ANKRD6: variants seen among roughly 807,000 people sequenced by gnomAD.
ANKRD6 encodes the protein ankyrin repeat domain-containing protein 6.
A neutral mutation model predicts 82.3 loss-of-function variants in ANKRD6; 56 were observed. The observed-to-expected ratio is 0.68, with a 90% confidence interval of 0.55 to 0.85. ANKRD6 has a LOEUF of 0.85. Ranked by LOEUF, ANKRD6 falls within the 40% of genes least tolerant of loss-of-function variation. The probability of loss-of-function intolerance (pLI) is 0.00; values close to 1 mark genes in which losing one functional copy is unlikely to be tolerated. For synonymous variants in ANKRD6, 347 were observed against 352.1 expected, an observed-to-expected ratio of 0.99 and a Z score of 0.16; for missense variants, 852 against 907.6, an observed-to-expected ratio of 0.94 and a Z score of 0.79.
intron 1 of ANKRD6, among the ~76,000 whole-genome samples, chr6:89,551,131 G>T (rs977850417): frequency 2.0e-5 from 3 of 152,170 alleles, no homozygotes; most frequent in African/African-American, 7.2e-5. Context: ...TATCTGAAGA[G>T]CAGAGCCTGG....
At chr6:89,492,882 G>A (rs181197464) in intron 1 of ANKRD6, among the ~76,000 whole-genome samples, 1 of 152,260 alleles carries the variant, frequency 6.6e-6, no homozygotes, top group East Asian at 1.9e-4. Context: ...GAAATAGCCG[G>A]TGAAAGTCTT....
intron 1 of ANKRD6, among the ~76,000 whole-genome samples, chr6:89,475,594 G>T (rs1775949729): frequency 6.6e-6 from 1 of 152,180 alleles, no homozygotes; most frequent in Non-Finnish European, 1.5e-5. Flanking sequence ...TTTAAATTTA[G>T]TAGTTATTCT....
Position 89,452,852 on chromosome 6 carries a change from A to C in ANKRD6, c.-144+19477A>C, listed in dbSNP as rs564710022. ...GGCGGCCAGGAAGGCCTGGGTTCTG[A>C]TTTCATGTCAGACAGCAGCCTTTGT... On this transcript the variant is annotated intron_variant, in intron 1 of 15. Coordinates refer to ENST00000339746, the MANE Select transcript of ANKRD6 (RefSeq NM_001242809.2). Among the ~76,000 whole-genome samples, 167 of 152,256 alleles carry C rather than the reference A, an allele frequency of 1.1e-3. 1 individual carries two copies. Among genetic ancestry groups the C allele is most frequent in the South Asian group, 3.5e-3 (17 of 4,824 alleles).
intron 3 of ANKRD6, among the ~76,000 whole-genome samples, chr6:89,600,548 A>C (rs886970628): frequency 2.0e-5 from 3 of 152,166 alleles, no homozygotes; most frequent in African/African-American, 4.8e-5. Context: ...AAAGCCTGTA[A>C]GAAGTGGAAA....
chr6:89,454,734 C>T (rs770424253), intron 1 of ANKRD6, among the ~76,000 whole-genome samples: 9 of 152,154 alleles, frequency 5.9e-5, no homozygotes, highest in Admixed American at 1.3e-4. Flanking sequence ...CTGCATGATT[C>T]TTTTATAGCA....
At chr6:89,597,597 C>T (rs1220984925) in intron 3 of ANKRD6, among the ~76,000 whole-genome samples, 1 of 152,130 alleles carries the variant, frequency 6.6e-6, no homozygotes, top group Non-Finnish European at 1.5e-5. Context: ...GCTGTTTATA[C>T]CAGGCAAGGT....
intron 15 of ANKRD6, among the ~76,000 whole-genome samples, chr6:89,629,668 A>C (rs549987738): frequency 6.6e-6 from 1 of 152,206 alleles, no homozygotes; most frequent in African/African-American, 2.4e-5. Flanking sequence ...ATTAAACAGC[A>C]GTTCTTACAT....
intron 2 of ANKRD6, among the ~76,000 whole-genome samples, chr6:89,570,347 C>T (rs1208864948): frequency 6.6e-6 from 1 of 152,194 alleles, no homozygotes; most frequent in Non-Finnish European, 1.5e-5. Flanking sequence ...AGGCATGAGC[C>T]ACCATGCCTG....
chr6:89,447,460 A>G (rs1772231391), intron 1 of ANKRD6, among the ~76,000 whole-genome samples: 1 of 152,200 alleles, frequency 6.6e-6, no homozygotes, highest in African/African-American at 2.4e-5. Context: ...GAAGCTGCAG[A>G]AAAAAAGTCT....
chr6:89,464,787 G>A (rs1217099981), intron 1 of ANKRD6, among the ~76,000 whole-genome samples: 1 of 152,174 alleles, frequency 6.6e-6, no homozygotes, highest in Non-Finnish European at 1.5e-5. Flanking sequence ...ACCTACCTTG[G>A]CCTTTGAAGC....
intron 1 of ANKRD6, chr6:89,565,380 G>A (rs1474786864): frequency 6.6e-6 from 1 of 152,204 alleles, no homozygotes; most frequent in African/African-American, 2.4e-5. Flanking sequence ...AGCAACAGAT[G>A]GAGAATGATG....
chr6:89,446,863 A>G (rs1772148193), intron 1 of ANKRD6, among the ~76,000 whole-genome samples: 1 of 152,190 alleles, frequency 6.6e-6, no homozygotes, highest in Non-Finnish European at 1.5e-5. Flanking sequence ...GGATAGTTTT[A>G]TAAGGGGCTT....
At position 89,566,981 on chromosome 6, in the gene ANKRD6, G is replaced by A. The variant is rs766143444; in HGVS notation, c.5G>A (p.Ser2Asn). The A allele has an allele frequency of 4.4e-6, 7 of 1,588,998 alleles. 1 individual carries two copies. The East Asian group carries it at 9.1e-5, about 21-fold the overall frequency. ...AAAACCTTTCTTTCCTAATTCATGA[G>A]CCAGCAAGATGCGGTCGCTGCACTT... is the stretch of plus-strand genomic sequence containing the variant. M[S>N]QQDAVAALSE... Residue 2 changes from serine to asparagine, a missense_variant, in exon 2 of 16, where the codon AGC (serine) becomes AAC (asparagine). By Grantham distance (46) the Ser-to-Asn change is conservative. Transcript: ENST00000339746.
rs369187241 is a variant in ANKRD6 at position 89,463,797 on chromosome 6, C to T, written c.-144+30422C>T. On this transcript the variant is annotated intron_variant, in intron 1 of 15. Transcript: ENST00000339746. ...AACTCCTGACCTCAGGTGATCTGCCCGCCTTGGCCTCCCAAAGTGCTGGGA... is the reference window on the plus strand; with the variant it reads ...AACTCCTGACCTCAGGTGATCTGCCTGCCTTGGCCTCCCAAAGTGCTGGGA... 4.6e-5 allele frequency among the ~76,000 whole-genome samples: 7 copies of T among 152,178 alleles called. 1 individual carries two copies. Among genetic ancestry groups the T allele is most frequent in the African/African-American group, 1.4e-4 (6 of 41,494 alleles).
At chr6:89,445,058 C>T (rs931659285) in intron 1 of ANKRD6, among the ~76,000 whole-genome samples, 6 of 152,194 alleles carry the variant, frequency 3.9e-5, no homozygotes, top group South Asian at 2.1e-4. Context: ...AGGCATAGCT[C>T]ATTTTATTGC....
chr6:89,527,380 T>C (rs1407537869), intron 1 of ANKRD6, among the ~76,000 whole-genome samples: 2 of 151,924 alleles, frequency 1.3e-5, no homozygotes, highest in African/African-American at 4.8e-5. Context: ...GATCACCTGA[T>C]GACAGGAATT....
At chr6:89,630,359 A>G in intron 15 of ANKRD6, 74 bp from the exon 16 acceptor site, 1 of 1,519,122 alleles carries the variant, frequency 6.6e-7, no homozygotes, top group Non-Finnish European at 8.8e-7. Context: ...TTAAGACTCT[A>G]AAATACTGAC....
In ANKRD6 at chr6:89,595,932, T is replaced by G; in HGVS notation, c.137T>G (p.Leu46Arg). ...VAVTKHGRTP[L>R]HLAANKGHLP... ...CATTCACAGCATGGCCGGACTCCCCTGCATCTTGCTGCCAATAAGGGCCAT... is the reference window on the plus strand; with the variant it reads ...CATTCACAGCATGGCCGGACTCCCCGGCATCTTGCTGCCAATAAGGGCCAT... The change falls in exon 3 of 16, where the codon CTG becomes CGG. Residue 46 changes from leucine (L) to arginine (R), a missense_variant. By Grantham distance (102) the Leu-to-Arg change is moderately radical. Coordinates refer to ENST00000339746, the MANE Select transcript of ANKRD6 (RefSeq NM_001242809.2). 3 of 1,609,204 alleles carry G rather than the reference T, an allele frequency of 1.9e-6. No individual in the cohort carries two copies. Among genetic ancestry groups the G allele is most frequent in the Non-Finnish European group, 2.5e-6 (3 of 1,177,866 alleles).
chr6:89,486,006 G>A (rs1298869720), intron 1 of ANKRD6, among the ~76,000 whole-genome samples: 1 of 152,078 alleles, frequency 6.6e-6, no homozygotes, highest in Non-Finnish European at 1.5e-5. Flanking sequence ...ATTCAACTAA[G>A]AAAAATATCA....
Sources: gnomAD v4.1 joint callset for allele counts (sites outside exome capture counted in the v4.1 genomes callset) on GRCh38, gnomAD v4.1.1 for gene constraint, MANE v1.5 for transcripts, NCBI Gene and HGNC (gene_info 2026-07-23, HGNC 2026-07-21) for gene names.